Variants in ZNF608 observed in about 807,000 individuals in gnomAD.
ZNF608 encodes renal carcinoma antigen NY-REN-36.
ZNF608 carries 12 observed loss-of-function variants against 109.0 expected under a neutral mutation model. The observed-to-expected ratio is 0.11, with a 90% CI of 0.07 to 0.18. The LOEUF (loss-of-function observed/expected upper bound fraction) is 0.18, where lower values mean the gene tolerates loss of function less well. Ranked by LOEUF, ZNF608 falls within the 10% of genes least tolerant of loss-of-function variation. ZNF608 has a pLI of 1.00. For missense variants in ZNF608, 1,707 were observed against 1,879.3 expected, an observed-to-expected ratio of 0.91 and a Z score of 1.70; for synonymous variants, 732 against 717.4, an observed-to-expected ratio of 1.02 and a Z score of -0.33.
intron 2 of ZNF608, among the ~76,000 whole-genome samples, chr5:124,727,237 C>T (rs994874709): frequency 1.3e-5 from 2 of 152,158 alleles, no homozygotes; most frequent in Admixed American, 6.5e-5. Flanking sequence ...GCTCTGTCAA[C>T]TCTAAAACCC....
chr5:124,747,849 A>T (rs1416255076), upstream of ZNF608, among the ~76,000 whole-genome samples: 1 of 152,212 alleles, frequency 6.6e-6, no homozygotes, highest in East Asian at 1.9e-4. Context: ...GGGGAGGGAG[A>T]AGGGTATCTC....
At chr5:124,650,883 T>C (rs1294671329) in intron 3 of ZNF608, among the ~76,000 whole-genome samples, 1 of 152,252 alleles carries the variant, frequency 6.6e-6, no homozygotes, top group African/African-American at 2.4e-5. Flanking sequence ...TGGGCTCCTT[T>C]ACAGTAAGGG....
intron 2 of ZNF608, among the ~76,000 whole-genome samples, chr5:124,719,673 G>A (rs1489311520): frequency 1.3e-5 from 2 of 152,170 alleles, no homozygotes; most frequent in African/African-American, 4.8e-5. Context: ...TTTATGTGGG[G>A]ATCAAAGATT....
intron 3 of ZNF608, among the ~76,000 whole-genome samples, chr5:124,685,395 GAAC>G (rs2149830728): frequency 6.6e-6 from 1 of 152,254 alleles, no homozygotes; most frequent in Admixed American, 6.5e-5. Flanking sequence ...CAGAGCGAAA[GAAC>G]AACACAAAAT....
intron 3 of ZNF608, among the ~76,000 whole-genome samples, chr5:124,653,653 C>T (rs142829643): frequency 3.5e-4 from 54 of 152,300 alleles, no homozygotes; most frequent in African/African-American, 1.2e-3. Context: ...GTGCCCCCAC[C>T]TAGACCAGTG....
intron 3 of ZNF608, among the ~76,000 whole-genome samples, chr5:124,676,395 T>C (rs1751946837): frequency 6.6e-6 from 1 of 152,184 alleles, no homozygotes. Context: ...CAAATATTAA[T>C]GAAATGCATT....
intron 3 of ZNF608, among the ~76,000 whole-genome samples, chr5:124,674,087 C>G (rs570269888): frequency 7.9e-5 from 12 of 152,266 alleles, no homozygotes; most frequent in African/African-American, 2.4e-4. Flanking sequence ...CTTGCATTAT[C>G]ATAAAAATCA....
intron 2 of ZNF608, among the ~76,000 whole-genome samples, chr5:124,741,912 C>T (rs1749425903): frequency 6.6e-6 from 1 of 152,142 alleles, no homozygotes; most frequent in African/African-American, 2.4e-5. Flanking sequence ...CTACAGGATC[C>T]AAGCCCCTGG....
rs570422873 is a variant in ZNF608, at chr5:124,736,841, TAAA to T, written c.906+7240_906+7242del. ...GTCGTCTGTTGCTAATTGAGGCATATAAAAGAGTCCACTTCTTAAAACATACTA... is the reference window on the plus strand; with the variant it reads ...GTCGTCTGTTGCTAATTGAGGCATATAGAGTCCACTTCTTAAAACATACTA... On this transcript the variant is annotated intron_variant, in intron 2 of 9. Coordinates refer to ENST00000513986, the MANE Select transcript of ZNF608 (RefSeq NM_020747.3). 2.8e-3 allele frequency among the ~76,000 whole-genome samples: 419 copies of T among 152,282 alleles called. 5 individuals carry two copies. Among genetic ancestry groups the T allele is most frequent in the African/African-American group, 9.5e-3 (394 of 41,530 alleles).
chr5:124,664,084 C>T (rs1338437504), intron 3 of ZNF608, among the ~76,000 whole-genome samples: 1 of 152,126 alleles, frequency 6.6e-6, no homozygotes, highest in Non-Finnish European at 1.5e-5. Flanking sequence ...AGGACCAAAA[C>T]ATATTTTGTA....
chr5:124,721,616 T>C (rs1049019569), intron 2 of ZNF608, among the ~76,000 whole-genome samples: 3 of 151,964 alleles, frequency 2.0e-5, no homozygotes, highest in African/African-American at 7.3e-5. Flanking sequence ...TCAGAGCCAG[T>C]AGCTGTTGCC....
chr5:124,709,427 T>C lies in ZNF608; in HGVS notation c.907-8158A>G, dbSNP rs191868168. On this transcript the variant is annotated intron_variant, in intron 2 of 9. Coordinates refer to ENST00000513986, the MANE Select transcript of ZNF608 (RefSeq NM_020747.3). ...GTACTGAGTATGTAAAGATGGAATA[T>C]AATTAAACTACTCTACTCAATGTCT... Among the ~76,000 whole-genome samples, 5 of 152,292 alleles carry C rather than the reference T, an allele frequency of 3.3e-5. No homozygotes were observed. The East Asian group carries it at 9.7e-4, about 29-fold the overall frequency.
chr5:124,702,486 CT>C (rs1375912353), intron 2 of ZNF608, among the ~76,000 whole-genome samples: 1 of 139,304 alleles, frequency 7.2e-6, no homozygotes, highest in Non-Finnish European at 1.5e-5. Flanking sequence ...AGTATATAGT[CT>C]TTGTTGGGTT....
intron 2 of ZNF608, chr5:124,710,233 A>G (rs946662427): frequency 6.6e-6 from 3 of 456,060 alleles, no homozygotes; most frequent in African/African-American, 6.0e-5. Flanking sequence ...GGAAGAAAGG[A>G]AAGAAAAGCC....
intron 2 of ZNF608, among the ~76,000 whole-genome samples, chr5:124,719,595 T>C (rs1158267632): frequency 6.6e-6 from 1 of 152,236 alleles, no homozygotes; most frequent in Non-Finnish European, 1.5e-5. Flanking sequence ...GTAGTTAAGC[T>C]ATTTGCCCCC....
At chr5:124,644,200 C>A in intron 6 of ZNF608, 44 bp downstream of exon 6, 1 of 1,497,596 alleles carries the variant, frequency 6.7e-7, no homozygotes, top group Non-Finnish European at 9.0e-7. Context: ...AATATTTGAA[C>A]ATCGCCTCTT....
Position 124,643,629 on chromosome 5 carries a change from C to T in ZNF608, c.4178G>A (p.Arg1393Lys). 6.2e-7 allele frequency: 1 copy of T among 1,614,200 alleles called. No homozygotes were observed. Among genetic ancestry groups the T allele is most frequent in the Non-Finnish European group, 8.5e-7 (1 of 1,180,038 alleles). ...GGTATTGACTTTCTCTGTCTCTTCT[C>T]TCCCTGACATCTTCCCATAAACAGG... ...HYPVYGKMSG[R>K]EETEKVNTSP... The change falls in exon 7 of 10, where the codon AGA (arginine) becomes AAA (lysine). Residue 1393 changes from arginine (R) to lysine (K), a missense_variant. Physicochemically the swap from Arg to Lys is conservative, Grantham distance 26. Around this residue, in one of 7 missense-constraint regions of ZNF608, gnomAD observed 1,073 missense variants for 1,133.5 expected, o/e 0.95. Transcript: ENST00000513986.
Position 124,741,394 on chromosome 5 carries a change from G to GAAA in ZNF608, c.906+2687_906+2689dup, listed in dbSNP as rs34192958. 4.7e-3 allele frequency among the ~76,000 whole-genome samples: 320 copies of GAAA among 68,412 alleles called. 15 individuals are homozygous for GAAA. The highest frequency in any genetic ancestry group is 6.4e-3 in the Non-Finnish European group (240 of 37,472). 44.9% of individuals were successfully genotyped at this position (68,412 alleles called of 152,430 possible). ...GAATCTCCTGTGAACCTTCCAACCA[G>GAAA]AAAAAAAAAAAAAAAAAAAAAAAAA... On this transcript the variant is annotated intron_variant, in intron 2 of 9. Transcript: ENST00000513986.
Position 124,746,419 on chromosome 5 carries a change from G to A in ZNF608, c.-408C>T, listed in dbSNP as rs149149039. 177 of 985,180 alleles carry A rather than the reference G, an allele frequency of 1.8e-4. No individual in the cohort carries two copies. The African/African-American group carries it at 2.9e-3, about 16-fold the overall frequency. 61.0% of individuals were successfully genotyped at this position (985,180 alleles called of 1,614,324 possible). ...GTCCTTTTCTCCTTAAAAAAAATGT[G>A]TCACTGTACAGCTGGAAAATAATGT... On this transcript the variant is annotated 5_prime_UTR_variant, in exon 1 of 10. Transcript: ENST00000513986.
Sources: allele counts gnomAD v4.1 joint callset (sites outside exome capture counted in the v4.1 genomes callset), GRCh38; gene constraint gnomAD v4.1.1; regional missense constraint gnomAD v4.1.1; transcripts MANE v1.5; gene names NCBI Gene and HGNC (gene_info 2026-07-23, HGNC 2026-07-21).